TSNAXIP1: variants seen among roughly 807,000 people sequenced by gnomAD.
TSNAXIP1 encodes the protein translin associated factor X interacting protein 1.
In TSNAXIP1, 89 loss-of-function variants were observed where a neutral mutation model predicts 84.8. The ratio of observed to expected loss-of-function variants is 1.05; its 90% CI spans 0.88 to 1.25. TSNAXIP1 has a LOEUF of 1.25. TSNAXIP1 is among the 50% of genes most tolerant of loss of function. The probability of loss-of-function intolerance (pLI) is 0.00; values close to 1 mark genes in which losing one functional copy is unlikely to be tolerated. For missense variants in TSNAXIP1, 874 were observed against 887.6 expected (o/e 0.98, Z 0.20); for synonymous variants, 347 against 335.2 (o/e 1.04, Z -0.39).
At chr16:67,809,110 T>C (rs1193676387) in intron 1 of TSNAXIP1, among the ~76,000 whole-genome samples, 1 of 137,420 alleles carries the variant, frequency 7.3e-6, no homozygotes, top group East Asian at 2.2e-4. Context: ...TTCGAGAGGG[T>C]GTAGTGAGCT....
chr16:67,812,910 T>C (rs1470535741), intron 1 of TSNAXIP1, among the ~76,000 whole-genome samples: 2 of 152,096 alleles, frequency 1.3e-5, no homozygotes, highest in Non-Finnish European at 2.9e-5. Context: ...CACGCCCAGA[T>C]GCACATCTAA....
chr16:67,822,518 A>C (rs958597996), intron 4 of TSNAXIP1, among the ~76,000 whole-genome samples: 1 of 151,890 alleles, frequency 6.6e-6, no homozygotes, highest in African/African-American at 2.4e-5. Context: ...CAGTGGCAAC[A>C]ACCCCAAGCT....
At chr16:67,812,440 G>A (rs529586397) in intron 1 of TSNAXIP1, among the ~76,000 whole-genome samples, 3 of 152,104 alleles carry the variant, frequency 2.0e-5, no homozygotes, top group African/African-American at 7.2e-5. Flanking sequence ...GGCTGAGGCG[G>A]GCAGATCACG....
At position 67,820,938 on chromosome 16, in the gene TSNAXIP1, C is replaced by A. The variant is rs200933447; in HGVS notation, c.247C>A (p.Arg83=). The change falls in exon 3 of 16, where the codon CGG becomes AGG. Residue 83 remains arginine, a synonymous_variant. Transcript: ENST00000561639. ...TCGAAAACCCTGTTCAGATGACTACCGGAAGCGAGTAGGGTAAGCCAGGGT... is the reference window on the plus strand; with the variant it reads ...TCGAAAACCCTGTTCAGATGACTACAGGAAGCGAGTAGGGTAAGCCAGGGT... The part of the protein sequence containing the change: ...QNRKPCSDDY[R]KRVGSCQQHP... 2.5e-4 allele frequency: 405 copies of A among 1,601,050 alleles called. 1 individual carries two copies. The African/African-American group carries it at 4.3e-3, about 17-fold the overall frequency.
intron 1 of TSNAXIP1, 29 bp downstream of exon 1, chr16:67,807,225 A>T (rs1388261481): frequency 1.3e-6 from 2 of 1,535,860 alleles, no homozygotes; most frequent in African/African-American, 1.4e-5. Context: ...GAGGGCAGAG[A>T]TGAGGGTTTG....
rs2057391530 is a variant in TSNAXIP1, at chr16:67,825,787, G to A, written c.935G>A (p.Arg312Lys). 1.9e-6 allele frequency: 3 copies of A among 1,614,058 alleles called. No homozygotes were observed. The highest frequency in any genetic ancestry group is 1.3e-5 in the African/African-American group (1 of 74,926). Residue 312 changes from arginine (R) to lysine (K), a missense_variant, in exon 8 of 16, where the codon AGG (arginine) becomes AAG (lysine). Coordinates refer to ENST00000561639, the MANE Select transcript of TSNAXIP1 (RefSeq NM_001288990.3). ...MKANFGDVVP[R>K]RDFEMQEKTN... Reference sequence around the variant, plus strand: ...GCCAACTTTGGAGATGTGGTCCCCAGGAGGGACTTTGAAATGCAGGAGAAG... The same window carrying A: ...GCCAACTTTGGAGATGTGGTCCCCAAGAGGGACTTTGAAATGCAGGAGAAG...
intron 1 of TSNAXIP1, among the ~76,000 whole-genome samples, chr16:67,810,117 C>G (rs2055912003): frequency 6.6e-6 from 1 of 152,240 alleles, no homozygotes; most frequent in South Asian, 2.1e-4. Context: ...GATGGATAAG[C>G]TAGACCTTAG....
chr16:67,827,066 A>C lies in TSNAXIP1; in HGVS notation c.1658A>C (p.Gln553Pro). 6.2e-7 allele frequency: 1 copy of C among 1,613,926 alleles called. No individual in the cohort carries two copies. Among genetic ancestry groups the C allele is most frequent in the Non-Finnish European group, 8.5e-7 (1 of 1,179,958 alleles). Reference protein sequence around the residue: ...SQNEGLLTMEQFNTVLKSTFP... With the variant: ...SQNEGLLTMEPFNTVLKSTFP... ...AACGAGGGGCTACTAACCATGGAGCAGTTCAAGTGAGAGGCCAGTCCAGGC... is the reference window on the plus strand; with the variant it reads ...AACGAGGGGCTACTAACCATGGAGCCGTTCAAGTGAGAGGCCAGTCCAGGC... The change falls in exon 13 of 16, where the codon CAG becomes CCG. Residue 553 changes from glutamine to proline, a missense_variant. Gln to Pro is a moderately conservative substitution (Grantham distance 76). Coordinates refer to ENST00000561639, the MANE Select transcript of TSNAXIP1 (RefSeq NM_001288990.3).
At chr16:67,808,304 C>T (rs548817132) in intron 1 of TSNAXIP1, among the ~76,000 whole-genome samples, 34 of 152,098 alleles carry the variant, frequency 2.2e-4, no homozygotes, top group African/African-American at 7.5e-4. Context: ...AGGCCAGGCA[C>T]GGTGGCTCAC....
Position 67,819,815 on chromosome 16 carries a change from A to ATTTTTTTT in TSNAXIP1, c.148-1009_148-1002dup, listed in dbSNP as rs1162375778. On this transcript the variant is annotated intron_variant, in intron 2 of 15. Transcript: ENST00000561639. ...AGCACATGCCACCACACCTGGCTAA[A>ATTTTTTTT]TTTTTTTTTTTTTTTTTTTTTTGAG... Among the ~76,000 whole-genome samples, 36 of 102,640 alleles carry ATTTTTTTT rather than the reference A, an allele frequency of 3.5e-4. 1 individual carries two copies. Among genetic ancestry groups the ATTTTTTTT allele is most frequent in the Non-Finnish European group, 6.0e-4 (31 of 51,582 alleles). 67.3% of individuals were successfully genotyped at this position (102,640 alleles called of 152,430 possible). A position where few individuals can be genotyped will look rare whatever the true frequency, so the allele number is the denominator to read the frequency against.
At position 67,826,857 on chromosome 16, in the gene TSNAXIP1, C is replaced by T. The variant is rs768523958; in HGVS notation, c.1554+13C>T. 2.5e-6 allele frequency: 4 copies of T among 1,612,804 alleles called. No individual in the cohort carries two copies. In the South Asian group the frequency reaches 4.4e-5, roughly 18 times the overall value. ...CTTGATGGGAAAGGTGAGCTGGGGC[C>T]TATTCCCCTTGGGGAGACTGAGAGG... is the stretch of plus-strand genomic sequence containing the variant. On this transcript the variant is annotated intron_variant, in intron 12 of 15. Coordinates refer to ENST00000561639, the MANE Select transcript of TSNAXIP1 (RefSeq NM_001288990.3).
chr16:67,813,868 A>T (rs2056329745), intron 1 of TSNAXIP1, among the ~76,000 whole-genome samples: 1 of 151,986 alleles, frequency 6.6e-6, no homozygotes, highest in Admixed American at 6.6e-5. Context: ...ATCAGCTGCC[A>T]GTAAGTGCAG....
At chr16:67,818,849 G>A (rs751213775) in intron 2 of TSNAXIP1, among the ~76,000 whole-genome samples, 5 of 151,886 alleles carry the variant, frequency 3.3e-5, no homozygotes, top group Middle Eastern at 3.2e-3. Context: ...GATTACAGGC[G>A]TGCACTACCA....
At chr16:67,812,908 G>T (rs1014401646) in intron 1 of TSNAXIP1, among the ~76,000 whole-genome samples, 1 of 152,078 alleles carries the variant, frequency 6.6e-6, no homozygotes, top group African/African-American at 2.4e-5. Flanking sequence ...ACCACGCCCA[G>T]ATGCACATCT....
chr16:67,824,501 C>A, intron 5 of TSNAXIP1, 82 bp from the exon 6 acceptor site: 1 of 1,353,048 alleles, frequency 7.4e-7, no homozygotes. Context: ...GCGACATAGC[C>A]ACTCACCCAT....
At chr16:67,818,142 G>C (rs1033771784) in intron 2 of TSNAXIP1, among the ~76,000 whole-genome samples, 1 of 152,168 alleles carries the variant, frequency 6.6e-6, no homozygotes, top group East Asian at 1.9e-4. Flanking sequence ...CCAGGAGGTG[G>C]AGGCTGCAGT....
At chr16:67,825,436 T>G in intron 7 of TSNAXIP1, 164 bp downstream of exon 7, 1 of 1,196,686 alleles carries the variant, frequency 8.4e-7, no homozygotes. Flanking sequence ...ATCTTCTGAG[T>G]TGAACTGAGA....
intron 11 of TSNAXIP1, 56 bp from the exon 12 acceptor site, chr16:67,826,636 G>A (rs1441844035): frequency 1.9e-6 from 3 of 1,611,240 alleles, no homozygotes; most frequent in Non-Finnish European, 2.5e-6. Flanking sequence ...AGAGGTGACA[G>A]GGATGAGGGC....
rs1162375778 is a variant in TSNAXIP1 at position 67,819,815 on chromosome 16, A to ATTTTTTTTTTTTTTTTTTTTTTT, written c.148-1002_148-1001insTTTTTTTTTTTTTTTTTTTTTTT. Among the ~76,000 whole-genome samples, 167 of 102,614 alleles carry ATTTTTTTTTTTTTTTTTTTTTTT rather than the reference A, an allele frequency of 1.6e-3. 2 individuals carry two copies. The highest frequency in any genetic ancestry group is 2.7e-3 in the Non-Finnish European group (137 of 51,564). The allele number at this position is 102,614 out of a possible 152,430, so 67.3% of individuals were successfully genotyped here. A position where few individuals can be genotyped will look rare whatever the true frequency, so the allele number is the denominator to read the frequency against. ...AGCACATGCCACCACACCTGGCTAAATTTTTTTTTTTTTTTTTTTTTTGAG... is the reference window on the plus strand; with the variant it reads ...AGCACATGCCACCACACCTGGCTAAATTTTTTTTTTTTTTTTTTTTTTTTTTTTTTTTTTTTTTTTTTTTTGAG... On this transcript the variant is annotated intron_variant, in intron 2 of 15. Transcript: ENST00000561639.
Sources: gnomAD v4.1 joint callset for allele counts (sites outside exome capture counted in the v4.1 genomes callset) on GRCh38, gnomAD v4.1.1 for gene constraint, MANE v1.5 for transcripts, NCBI Gene and HGNC (gene_info 2026-07-23, HGNC 2026-07-21) for gene names.